VAV3: variants seen among roughly 807,000 people sequenced by gnomAD.
The protein encoded by VAV3 is vav guanine nucleotide exchange factor 3, also known as guanine nucleotide exchange factor VAV3.
VAV3 carries 94 observed loss-of-function variants against 131.2 expected under a neutral mutation model. The ratio of observed to expected loss-of-function variants is 0.72; its 90% confidence interval spans 0.61 to 0.85. The LOEUF (loss-of-function observed/expected upper bound fraction) is 0.85, where lower values mean the gene tolerates loss of function less well. Among genes scored for constraint, VAV3 ranks in the 40% least tolerant of loss-of-function variants. The probability of loss-of-function intolerance (pLI) is 0.00; values close to 1 mark genes in which losing one functional copy is unlikely to be tolerated. For missense variants in VAV3, 939 were observed against 1,002.7 expected, an observed-to-expected ratio of 0.94 and a Z score of 0.86; for synonymous variants, 349 against 342.0, an observed-to-expected ratio of 1.02 and a Z score of -0.22.
rs570009826 is a variant in VAV3, at chr1:107,671,446, C to T, written c.1777+12042G>A. Among the ~76,000 whole-genome samples the T allele has an allele frequency of 5.9e-5, 9 of 152,274 alleles. No homozygotes were observed. The South Asian group carries it at 8.3e-4, about 14-fold the overall frequency. ...ACATATAAGACTTGCCAAATTAGAA[C>T]TTGAAAGTGTAGAATCTCCACACTG... On this transcript the variant is annotated intron_variant, in intron 19 of 26. Coordinates refer to ENST00000370056, the MANE Select transcript of VAV3 (RefSeq NM_006113.5).
chr1:107,624,735 A>G (rs187318970), intron 20 of VAV3, among the ~76,000 whole-genome samples: 1 of 152,348 alleles, frequency 6.6e-6, no homozygotes, highest in Admixed American at 6.5e-5. Flanking sequence ...GCAGCATGAG[A>G]TATTTTTAAA....
intron 13 of VAV3, among the ~76,000 whole-genome samples, 161 bp downstream of exon 13, chr1:107,750,956 G>A (rs1663683673): frequency 1.3e-5 from 2 of 152,140 alleles, no homozygotes; most frequent in South Asian, 4.1e-4. Flanking sequence ...GAATACCTAA[G>A]ATAATCTAGA....
intron 1 of VAV3, among the ~76,000 whole-genome samples, chr1:107,944,940 GT>G (rs1172581445): frequency 5.9e-5 from 9 of 152,184 alleles, no homozygotes; most frequent in Admixed American, 2.0e-4. Context: ...GAAGTTAAGA[GT>G]GTAATATGAA....
chr1:107,628,644 A>G (rs1214548744), intron 20 of VAV3, among the ~76,000 whole-genome samples: 2 of 152,182 alleles, frequency 1.3e-5, no homozygotes, highest in Non-Finnish European at 2.9e-5. Context: ...TATTTTTTCT[A>G]CCAAAAAATA....
chr1:107,764,520 C>T (rs1664626111), intron 9 of VAV3, among the ~76,000 whole-genome samples: 1 of 152,092 alleles, frequency 6.6e-6, no homozygotes, highest in African/African-American at 2.4e-5. Flanking sequence ...TAGTAAACAT[C>T]TTTTTTATTT....
intron 25 of VAV3, among the ~76,000 whole-genome samples, chr1:107,588,305 C>T (rs1053103360): frequency 6.6e-6 from 1 of 152,160 alleles, no homozygotes; most frequent in African/African-American, 2.4e-5. Flanking sequence ...TATGTTATAA[C>T]TAACTTAGTC....
intron 2 of VAV3, among the ~76,000 whole-genome samples, chr1:107,818,686 C>G (rs1401848310): frequency 6.6e-6 from 1 of 152,004 alleles, no homozygotes; most frequent in Non-Finnish European, 1.5e-5. Context: ...ATGTAAAACA[C>G]ACAAATGGTA....
chr1:107,721,925 A>C (rs1661526218), intron 15 of VAV3, among the ~76,000 whole-genome samples: 1 of 152,112 alleles, frequency 6.6e-6, no homozygotes, highest in Admixed American at 6.6e-5. Flanking sequence ...ATGAATCCAA[A>C]CCTGAGATGG....
At chr1:107,921,962 T>C (rs1290936163) in intron 1 of VAV3, among the ~76,000 whole-genome samples, 5 of 152,244 alleles carry the variant, frequency 3.3e-5, no homozygotes, top group Non-Finnish European at 7.3e-5. Context: ...AGCTTTTTTG[T>C]GTAAACCAGG....
chr1:107,571,653 T>A lies in VAV3; in HGVS notation c.*1678A>T, dbSNP rs1649267912. The A allele has an allele frequency of 6.6e-6, 1 of 152,648 alleles. No individual in the cohort carries two copies. Among genetic ancestry groups the A allele is most frequent in the Non-Finnish European group, 1.5e-5 (1 of 68,038 alleles). The allele number at this position is 152,648 out of a possible 1,614,324, so 9.5% of individuals were successfully genotyped here. ...CATTCCAAGAGTACACTTTGAGGTG[T>A]AACTTTATTGTACAGAACATTTTAT... On this transcript the variant is annotated 3_prime_UTR_variant, in exon 27 of 27. Transcript: ENST00000370056.
intron 15 of VAV3, among the ~76,000 whole-genome samples, chr1:107,711,183 TAAAAC>T (rs966447648): frequency 2.6e-4 from 39 of 151,864 alleles, no homozygotes; most frequent in Non-Finnish European, 1.0e-4. Context: ...TTAAAAGTGA[TAAAAC>T]TAATGAGAGA....
intron 20 of VAV3, among the ~76,000 whole-genome samples, chr1:107,634,420 T>C (rs527689610): frequency 1.1e-3 from 174 of 152,242 alleles, no homozygotes; most frequent in African/African-American, 4.1e-3. Context: ...GCTAGCCATA[T>C]GTAGAAAGCT....
chr1:107,856,276 T>G (rs140344886), intron 2 of VAV3, among the ~76,000 whole-genome samples: 370 of 152,344 alleles, frequency 2.4e-3, no homozygotes, highest in African/African-American at 8.4e-3. Flanking sequence ...ATCATTCCAG[T>G]GAAATATCCC....
rs554482575 is a variant in VAV3, at chr1:107,914,502, C to T, written c.205-39485G>A. On this transcript the variant is annotated intron_variant, in intron 1 of 26. Coordinates refer to ENST00000370056, the MANE Select transcript of VAV3 (RefSeq NM_006113.5). ...CAGTGAGGATTAAACAATTTCTCTC[C>T]CATAAAATTAGCTTGAGGATTAAGT... is the stretch of plus-strand genomic sequence containing the variant. Among the ~76,000 whole-genome samples, 53 of 152,290 alleles carry T rather than the reference C, an allele frequency of 3.5e-4. No homozygotes were observed. In the South Asian group the frequency reaches 4.1e-3, roughly 12 times the overall value.
At chr1:107,684,201 T>C (rs1425148625) in intron 18 of VAV3, among the ~76,000 whole-genome samples, 1 of 152,252 alleles carries the variant, frequency 6.6e-6, no homozygotes, top group South Asian at 2.1e-4. Context: ...TTTAAATCTA[T>C]GAAAATGCAT....
chr1:107,906,431 G>A (rs1003024401), intron 1 of VAV3, among the ~76,000 whole-genome samples: 8 of 152,138 alleles, frequency 5.3e-5, no homozygotes, highest in East Asian at 1.9e-4. Flanking sequence ...TTGGGAGGCC[G>A]AGGTGGGCGG....
At chr1:107,710,501 T>C (rs535199080) in intron 15 of VAV3, among the ~76,000 whole-genome samples, 1 of 152,282 alleles carries the variant, frequency 6.6e-6, no homozygotes, top group East Asian at 1.9e-4. Flanking sequence ...AGATACCAAA[T>C]ACAGATTACT....
chr1:107,729,620 A>G (rs1191861890), intron 15 of VAV3, among the ~76,000 whole-genome samples: 1 of 152,188 alleles, frequency 6.6e-6, no homozygotes, highest in Non-Finnish European at 1.5e-5. Flanking sequence ...CAAGTTACTT[A>G]CATTTCTGGT....
intron 2 of VAV3, among the ~76,000 whole-genome samples, chr1:107,833,777 T>C (rs898232588): frequency 1.3e-5 from 2 of 152,310 alleles, no homozygotes; most frequent in South Asian, 2.1e-4. Context: ...AGCAAAGGTC[T>C]AGGGAGTCAC....
Sources: gnomAD v4.1 joint callset for allele counts (sites outside exome capture counted in the v4.1 genomes callset) on GRCh38, gnomAD v4.1.1 for gene constraint, MANE v1.5 for transcripts, NCBI Gene and HGNC (gene_info 2026-07-23, HGNC 2026-07-21) for gene names.